GPR137B: variants seen among roughly 807,000 people sequenced by gnomAD.
GPR137B encodes integral membrane protein GPR137B.
GPR137B carries 42 observed loss-of-function variants against 42.5 expected under a neutral mutation model. The observed-to-expected ratio is 0.99, with a 90% CI of 0.77 to 1.28. The LOEUF (loss-of-function observed/expected upper bound fraction) is 1.28. GPR137B is among the 50% of genes most tolerant of loss of function. GPR137B has a pLI of 0.00. For synonymous variants in GPR137B, 218 were observed against 209.7 expected (o/e 1.04, Z -0.34); for missense variants, 487 against 493.9 (o/e 0.99, Z 0.13).
chr1:236,161,305 C>G (rs535058156), intron 1 of GPR137B, among the ~76,000 whole-genome samples: 1 of 152,174 alleles, frequency 6.6e-6, no homozygotes, highest in Non-Finnish European at 1.5e-5. Context: ...CTGGTCCACA[C>G]CCCAGCCCGA....
intron 1 of GPR137B, 64 bp from the exon 2 acceptor site, chr1:236,168,642 T>A: frequency 8.4e-7 from 1 of 1,196,206 alleles, no homozygotes; most frequent in South Asian, 1.2e-5. Context: ...TTCCCAGTGA[T>A]GGTATCAGTC....
At chr1:236,158,230 C>T (rs763029204) in intron 1 of GPR137B, among the ~76,000 whole-genome samples, 1 of 152,158 alleles carries the variant, frequency 6.6e-6, no homozygotes, top group Non-Finnish European at 1.5e-5. Flanking sequence ...TCAAGACCAA[C>T]CTGGCCAAAA....
intron 1 of GPR137B, among the ~76,000 whole-genome samples, chr1:236,145,656 C>T (rs777566659): frequency 7.9e-5 from 12 of 152,030 alleles, no homozygotes; most frequent in African/African-American, 2.9e-4. Context: ...CGCACCCGGC[C>T]AAGAAAGCAC....
intron 1 of GPR137B, among the ~76,000 whole-genome samples, chr1:236,148,287 CAGGTCTGTGCCCTGCAG>C (rs1661737388): frequency 6.6e-6 from 1 of 152,150 alleles, no homozygotes; most frequent in African/African-American, 2.4e-5. Context: ...CCTGGGCAGA[CAGGTCTGTGCCCTGCAG>C]GGGCAGAAGT....
intron 5 of GPR137B, among the ~76,000 whole-genome samples, chr1:236,191,012 C>T (rs1663177505): frequency 6.6e-6 from 1 of 152,134 alleles, no homozygotes; most frequent in South Asian, 2.1e-4. Flanking sequence ...TCACATAGTT[C>T]CATGTTTCTT....
chr1:236,149,879 T>G (rs1306176452), intron 1 of GPR137B, among the ~76,000 whole-genome samples: 1 of 152,248 alleles, frequency 6.6e-6, no homozygotes, highest in Admixed American at 6.5e-5. Context: ...TGTGTGCCTG[T>G]GTGCACCTGT....
chr1:236,158,520 A>G (rs1047497953), intron 1 of GPR137B, among the ~76,000 whole-genome samples: 46 of 152,240 alleles, frequency 3.0e-4, no homozygotes, highest in African/African-American at 1.1e-3. Flanking sequence ...TTCTTTGTAT[A>G]TACATAAATT....
chr1:236,160,103 A>G (rs1001155065), intron 1 of GPR137B, among the ~76,000 whole-genome samples: 1 of 152,224 alleles, frequency 6.6e-6, no homozygotes, highest in Admixed American at 6.5e-5. Flanking sequence ...GGAATTTGCC[A>G]TTAGGGAGAA....
intron 2 of GPR137B, 47 bp from the exon 3 acceptor site, chr1:236,178,367 G>T: frequency 8.8e-7 from 1 of 1,133,756 alleles, no homozygotes; most frequent in South Asian, 1.2e-5. Context: ...TGTCCTTCTA[G>T]ACTGACCTGG....
chr1:236,160,485 C>T (rs1013856593), intron 1 of GPR137B, among the ~76,000 whole-genome samples: 3 of 152,142 alleles, frequency 2.0e-5, no homozygotes, highest in Non-Finnish European at 4.4e-5. Flanking sequence ...AGCCCTCCAC[C>T]CTTCCCTGCC....
chr1:236,169,213 GGTA>G, intron 2 of GPR137B, among the ~76,000 whole-genome samples: 1 of 133,932 alleles, frequency 7.5e-6, no homozygotes. Flanking sequence ...TGCAGGTGCA[GGTA>G]CAGGTACAGG....
chr1:236,175,519 C>G (rs1312931666), intron 2 of GPR137B, among the ~76,000 whole-genome samples: 9 of 152,182 alleles, frequency 5.9e-5, no homozygotes, highest in African/African-American at 2.2e-4. Flanking sequence ...CTGGATGTTT[C>G]CATCTAGCGC....
intron 6 of GPR137B, 147 bp downstream of exon 6, chr1:236,205,397 T>C (rs774880365): frequency 1.4e-5 from 9 of 652,614 alleles, no homozygotes; most frequent in Non-Finnish European, 2.3e-5. Context: ...TCATTTTACT[T>C]ATGTGAAACA....
intron 2 of GPR137B, among the ~76,000 whole-genome samples, chr1:236,173,746 G>A (rs920572780): frequency 7.0e-6 from 1 of 143,158 alleles, no homozygotes; most frequent in Admixed American, 7.1e-5. Flanking sequence ...AGTATTGGGG[G>A]CAGTGTACAA....
chr1:236,195,012 T>G (rs1426635657), intron 5 of GPR137B, among the ~76,000 whole-genome samples: 3 of 152,168 alleles, frequency 2.0e-5, no homozygotes, highest in Non-Finnish European at 4.4e-5. Flanking sequence ...GTGTGTATAT[T>G]TATGGGGTAC....
chr1:236,170,796 T>C (rs900837093), intron 2 of GPR137B, among the ~76,000 whole-genome samples: 7 of 151,966 alleles, frequency 4.6e-5, no homozygotes, highest in African/African-American at 1.7e-4. Context: ...GCCAACATGG[T>C]GAAACCCCGT....
In GPR137B at chr1:236,142,590, C is replaced by T; in HGVS notation, c.-33C>T. 5 of 1,256,444 alleles carry T rather than the reference C, an allele frequency of 4.0e-6. No individual in the cohort carries two copies. The highest frequency in any genetic ancestry group is 2.5e-5 in the South Asian group (1 of 39,952). 77.8% of individuals were successfully genotyped at this position (1,256,444 alleles called of 1,614,324 possible). A position where few individuals can be genotyped will look rare whatever the true frequency, so the allele number is the denominator to read the frequency against. On this transcript the variant is annotated 5_prime_UTR_variant, in exon 1 of 7. Coordinates refer to ENST00000366592, the MANE Select transcript of GPR137B (RefSeq NM_003272.4). The stretch of plus-strand genomic sequence containing the variant: ...GCAGGCTGAGCGCGATGCGCGGAGA[C>T]CCCCGCGGGGGCGGCGGCGGCCGTG...
rs534154622 is a variant in GPR137B, at chr1:236,151,839, C to A, written c.414+8803C>A. Among the ~76,000 whole-genome samples the A allele has an allele frequency of 2.6e-5, 4 of 152,268 alleles. No homozygotes were observed. The East Asian group carries it at 7.7e-4, about 29-fold the overall frequency. On this transcript the variant is annotated intron_variant, in intron 1 of 6. Transcript: ENST00000366592. Reference sequence around the variant, plus strand: ...GGTTGGCTCTGTGGGCTGCTCCCACCCCATAGGCTACTCTCCCTGTCACCT... The same window carrying A: ...GGTTGGCTCTGTGGGCTGCTCCCACACCATAGGCTACTCTCCCTGTCACCT...
intron 6 of GPR137B, 101 bp downstream of exon 6, chr1:236,205,351 C>A: frequency 1.0e-6 from 1 of 986,128 alleles, no homozygotes; most frequent in Non-Finnish European, 1.5e-6. Flanking sequence ...TAAAACTGTG[C>A]AGCCTTAGGT....
Sources: gnomAD v4.1 joint callset for allele counts (sites outside exome capture counted in the v4.1 genomes callset) on GRCh38, gnomAD v4.1.1 for gene constraint, MANE v1.5 for transcripts, NCBI Gene and HGNC (gene_info 2026-07-23, HGNC 2026-07-21) for gene names.